The following NTM variants were observed in gnomAD, a reference collection of about 807,000 sequenced individuals.
NTM encodes the protein neurotrimin, also known as IgLON family member 2.
A neutral mutation model predicts 42.1 loss-of-function variants in NTM; 13 were observed. The observed-to-expected ratio is 0.31, with a 90% confidence interval of 0.20 to 0.49. The LOEUF (loss-of-function observed/expected upper bound fraction) is 0.49. Ranked by LOEUF, NTM falls within the 20% of genes least tolerant of loss-of-function variation. The probability of loss-of-function intolerance (pLI) is 0.99; values close to 1 mark genes in which losing one functional copy is unlikely to be tolerated. For missense variants in NTM, 373 were observed against 452.8 expected, an observed-to-expected ratio of 0.82 and a Z score of 1.60; for synonymous variants, 187 against 179.2, an observed-to-expected ratio of 1.04 and a Z score of -0.35.
chr11:131,416,482 C>T (rs531235068), intron 1 of NTM, among the ~76,000 whole-genome samples: 21 of 152,310 alleles, frequency 1.4e-4, no homozygotes, highest in African/African-American at 5.1e-4. Context: ...AACACCATAG[C>T]CTGTCTGCCA....
Position 132,187,229 on chromosome 11 carries a change from G to A in NTM, c.401-24793G>A, listed in dbSNP as rs927617996. On this transcript the variant is annotated intron_variant, in intron 3 of 8. Coordinates refer to ENST00000683400, the MANE Select transcript of NTM (RefSeq NM_001352005.2). ...GCTCAGATGGCGTGTGTGTGTGTGTGTGTGTGTGTGTGTGTGTGCGTGTGC... is the reference window on the plus strand; with the variant it reads ...GCTCAGATGGCGTGTGTGTGTGTGTATGTGTGTGTGTGTGTGTGCGTGTGC... 3.4e-3 allele frequency among the ~76,000 whole-genome samples: 523 copies of A among 151,882 alleles called. 3 individuals are homozygous for A. The highest frequency in any genetic ancestry group is 0.012 in the African/African-American group (504 of 41,404).
intron 1 of NTM, among the ~76,000 whole-genome samples, chr11:131,832,387 C>A (rs937318820): frequency 2.6e-5 from 4 of 151,820 alleles, no homozygotes; most frequent in East Asian, 3.9e-4. Context: ...GAAAAAAAAA[C>A]CATGGATACC....
chr11:131,557,890 C>T (rs1452804630), intron 1 of NTM, among the ~76,000 whole-genome samples: 1 of 152,164 alleles, frequency 6.6e-6, no homozygotes, highest in African/African-American at 2.4e-5. Flanking sequence ...CACTTTGCAG[C>T]ATGCAGCTCA....
rs948994324 is a variant in NTM at position 131,890,495 on chromosome 11, G to C, written c.83-21069G>C. 1.1e-4 allele frequency among the ~76,000 whole-genome samples: 17 copies of C among 152,174 alleles called. No homozygotes were observed. In the East Asian group the frequency reaches 1.5e-3, roughly 14 times the overall value. ...GCGTTGTTTACAGTAGAGGAGACGA[G>C]GAAACTCATGAGCGCTCTCCTTTTT... On this transcript the variant is annotated intron_variant, in intron 1 of 8. Coordinates refer to ENST00000683400, the MANE Select transcript of NTM (RefSeq NM_001352005.2).
At chr11:132,313,717 T>C (rs2095345269) in intron 6 of NTM, among the ~76,000 whole-genome samples, 1 of 152,128 alleles carries the variant, frequency 6.6e-6, no homozygotes, top group African/African-American at 2.4e-5. Flanking sequence ...TCCTTACCCT[T>C]TTATCTGCCT....
At chr11:131,774,160 T>C (rs911608856) in intron 1 of NTM, 20 of 976,936 alleles carry the variant, frequency 2.0e-5, no homozygotes, top group Non-Finnish European at 1.6e-5. Context: ...GGGAAACCCA[T>C]CAGCTCTAAG....
In NTM at chr11:131,520,841, G is replaced by T. The variant is rs907929040; in HGVS notation, c.82+149953G>T. On this transcript the variant is annotated intron_variant, in intron 1 of 8. Coordinates refer to ENST00000683400, the MANE Select transcript of NTM (RefSeq NM_001352005.2). ...AGTCCATTTTGGTGTTTCTATAAAG[G>T]AATAACTGAGGTTGAGTAATTTATA... Among the ~76,000 whole-genome samples, 12 of 152,122 alleles carry T rather than the reference G, an allele frequency of 7.9e-5. 2 individuals carry two copies. The highest frequency in any genetic ancestry group is 7.2e-4 in the Admixed American group (11 of 15,282).
chr11:131,892,656 G>A (rs1487695883), intron 1 of NTM, among the ~76,000 whole-genome samples: 1 of 152,224 alleles, frequency 6.6e-6, no homozygotes, highest in African/African-American at 2.4e-5. Flanking sequence ...GAGGGTGGAG[G>A]AAATTTAAAG....
At chr11:131,415,514 A>G (rs772101035) in intron 1 of NTM, among the ~76,000 whole-genome samples, 12 of 152,220 alleles carry the variant, frequency 7.9e-5, no homozygotes, top group Non-Finnish European at 1.5e-4. Context: ...ATAACCCTAA[A>G]TCAGTTATTC....
At chr11:131,701,957 C>T (rs2076117974) in intron 1 of NTM, among the ~76,000 whole-genome samples, 1 of 152,188 alleles carries the variant, frequency 6.6e-6, no homozygotes, top group Non-Finnish European at 1.5e-5. Context: ...CCCTTCTGAG[C>T]TTGAGGCCCT....
At chr11:131,774,323 T>C (rs1420882343) in intron 1 of NTM, among the ~76,000 whole-genome samples, 1 of 152,196 alleles carries the variant, frequency 6.6e-6, no homozygotes, top group Admixed American at 6.5e-5. Flanking sequence ...ATGTCTGTCT[T>C]CCCCTTGGGG....
chr11:131,541,420 G>A (rs1453412164), intron 1 of NTM, among the ~76,000 whole-genome samples: 1 of 152,114 alleles, frequency 6.6e-6, no homozygotes. Flanking sequence ...GGTTACTTCT[G>A]GAATATATGT....
At chr11:131,907,459 A>T (rs1012628458) in intron 1 of NTM, among the ~76,000 whole-genome samples, 2 of 152,176 alleles carry the variant, frequency 1.3e-5, no homozygotes, top group African/African-American at 2.4e-5. Flanking sequence ...TAAAGGGAAT[A>T]TGATTGTTTC....
chr11:131,371,503 G>T (rs1941176865), intron 1 of NTM, among the ~76,000 whole-genome samples: 2 of 152,166 alleles, frequency 1.3e-5, no homozygotes, highest in South Asian at 4.1e-4. Context: ...GAAGCGAGGG[G>T]AGCCGGGGCT....
chr11:131,798,373 T>C (rs1373336663), intron 1 of NTM, among the ~76,000 whole-genome samples: 1 of 152,182 alleles, frequency 6.6e-6, no homozygotes, highest in Non-Finnish European at 1.5e-5. Flanking sequence ...AGAGGGAAGA[T>C]GGAGACTCCT....
intron 1 of NTM, among the ~76,000 whole-genome samples, chr11:131,518,770 A>G (rs866866303): frequency 1.3e-5 from 2 of 152,222 alleles, no homozygotes; most frequent in African/African-American, 2.4e-5. Flanking sequence ...GCTAATGTGT[A>G]TAAGCACCAG....
intron 1 of NTM, among the ~76,000 whole-genome samples, chr11:131,388,668 T>C (rs1291328000): frequency 6.6e-6 from 1 of 151,994 alleles, no homozygotes; most frequent in African/African-American, 2.4e-5. Context: ...TGTATTATTT[T>C]AAGATCTGTA....
At chr11:132,141,835 A>T (rs2069218278) in intron 2 of NTM, among the ~76,000 whole-genome samples, 1 of 152,162 alleles carries the variant, frequency 6.6e-6, no homozygotes, top group Admixed American at 6.5e-5. Flanking sequence ...TGAGTATGCT[A>T]GGCCATGGGC....
rs903398053 is a variant in NTM at position 131,370,860 on chromosome 11, G to A, written c.54G>A (p.Thr18=). The change falls in exon 1 of 9, where the codon ACG becomes ACA. Residue 18 remains threonine, a synonymous_variant. Coordinates refer to ENST00000683400, the MANE Select transcript of NTM (RefSeq NM_001352005.2). The part of the protein sequence containing the change: ...MHNSISWAIF[T]GLAALCLFQG... Reference sequence around the variant, plus strand: ...ATTCTATCTCTTGGGCAATCTTCACGGGGCTGGCTGCTCTGTGTCTCTTCC... The same window carrying A: ...ATTCTATCTCTTGGGCAATCTTCACAGGGCTGGCTGCTCTGTGTCTCTTCC... 1 of 1,613,994 alleles carries A rather than the reference G, an allele frequency of 6.2e-7. No homozygotes were observed. Among genetic ancestry groups the A allele is most frequent in the South Asian group, 1.1e-5 (1 of 91,078 alleles).
Sources: allele counts gnomAD v4.1 joint callset (sites outside exome capture counted in the v4.1 genomes callset), GRCh38; gene constraint gnomAD v4.1.1; transcripts MANE v1.5; gene names NCBI Gene and HGNC (gene_info 2026-07-23, HGNC 2026-07-21).